Variants in NKAIN1 observed in about 807,000 individuals in gnomAD.
NKAIN1 encodes sodium/potassium-transporting ATPase subunit beta-1-interacting protein 1.
A neutral mutation model predicts 31.6 loss-of-function variants in NKAIN1; 13 were observed. The observed-to-expected ratio is 0.41, with a 90% CI of 0.27 to 0.65. The LOEUF is 0.65. Among genes scored for constraint, NKAIN1 ranks in the 30% least tolerant of loss-of-function variants. The pLI is 0.30. For missense variants in NKAIN1, 193 were observed against 262.2 expected (o/e 0.74, Z 1.82); for synonymous variants, 104 against 109.0 (o/e 0.95, Z 0.28).
At chr1:31,236,487 C>G (rs1645693301) in intron 1 of NKAIN1, among the ~76,000 whole-genome samples, 1 of 152,190 alleles carries the variant, frequency 6.6e-6, no homozygotes, top group Non-Finnish European at 1.5e-5. Context: ...AGACTCCCTT[C>G]TCCCCTCAGG....
intron 1 of NKAIN1, among the ~76,000 whole-genome samples, chr1:31,223,545 C>T (rs932134583): frequency 1.3e-5 from 2 of 152,054 alleles, no homozygotes; most frequent in African/African-American, 4.8e-5. Context: ...CCTGGGTTCA[C>T]GCCATTCTCC....
chr1:31,219,395 G>A (rs12079944), intron 1 of NKAIN1, among the ~76,000 whole-genome samples: 48,201 of 152,168 alleles, frequency 0.32, 9,685 homozygotes, highest in African/African-American at 0.57. Flanking sequence ...CACTGGCAGC[G>A]CAGGCTGTCC....
At chr1:31,208,244 C>T (rs1217822337) in intron 1 of NKAIN1, among the ~76,000 whole-genome samples, 2 of 152,164 alleles carry the variant, frequency 1.3e-5, no homozygotes, top group African/African-American at 4.8e-5. Flanking sequence ...ACCTCAGAGT[C>T]ACTGTGACAC....
At chr1:31,228,256 CA>C (rs2148366779) in intron 1 of NKAIN1, among the ~76,000 whole-genome samples, 1 of 152,222 alleles carries the variant, frequency 6.6e-6, no homozygotes, top group East Asian at 1.9e-4. Context: ...CACCTCCTCC[CA>C]AAAAACAGGC....
chr1:31,218,907 C>A (rs937099919), intron 1 of NKAIN1, among the ~76,000 whole-genome samples: 6 of 152,176 alleles, frequency 3.9e-5, no homozygotes, highest in African/African-American at 1.4e-4. Context: ...TCAGATGACT[C>A]GTGGGGCTGC....
intron 1 of NKAIN1, among the ~76,000 whole-genome samples, chr1:31,209,535 A>G (rs1645451020): frequency 6.6e-6 from 1 of 152,064 alleles, no homozygotes. Context: ...AAGAATACGT[A>G]TAGCCAGGCA....
intron 1 of NKAIN1, among the ~76,000 whole-genome samples, chr1:31,218,732 C>A (rs1437201497): frequency 1.3e-5 from 2 of 152,216 alleles, no homozygotes; most frequent in African/African-American, 2.4e-5. Context: ...CACTTCCTGT[C>A]CTATTTGTCC....
At chr1:31,197,067 C>G (rs1343725168) in intron 1 of NKAIN1, among the ~76,000 whole-genome samples, 3 of 149,414 alleles carry the variant, frequency 2.0e-5, no homozygotes, top group African/African-American at 7.4e-5. Context: ...TCCCTCCTTC[C>G]TTTATTTTTT....
At chr1:31,182,506 C>T in intron 5 of NKAIN1, 24 bp downstream of exon 5, 1 of 1,613,896 alleles carries the variant, frequency 6.2e-7, no homozygotes, top group Non-Finnish European at 8.5e-7. Context: ...AGATTCCCCA[C>T]TTCCCCAGGG....
chr1:31,192,424 C>G (rs143409027), intron 1 of NKAIN1, among the ~76,000 whole-genome samples: 23 of 152,234 alleles, frequency 1.5e-4, no homozygotes, highest in Middle Eastern at 3.4e-3. Flanking sequence ...GGGGTCCCTG[C>G]CCTTTGGGAA....
intron 1 of NKAIN1, among the ~76,000 whole-genome samples, chr1:31,206,014 A>T (rs1326030935): frequency 6.8e-6 from 1 of 146,158 alleles, no homozygotes; most frequent in Non-Finnish European, 1.5e-5. Flanking sequence ...TGGGTGGATC[A>T]CCTGAGGTCA....
chr1:31,193,651 GT>G (rs1645303296), intron 1 of NKAIN1, among the ~76,000 whole-genome samples: 1 of 151,954 alleles, frequency 6.6e-6, no homozygotes, highest in Non-Finnish European at 1.5e-5. Flanking sequence ...AGCTGAGATC[GT>G]GCCCTTGCAC....
intron 1 of NKAIN1, among the ~76,000 whole-genome samples, chr1:31,214,245 GA>G (rs1645493193): frequency 6.6e-6 from 1 of 151,880 alleles, no homozygotes; most frequent in Non-Finnish European, 1.5e-5. Context: ...CAGAAAAATA[GA>G]AAGTGGATTA....
intron 1 of NKAIN1, among the ~76,000 whole-genome samples, chr1:31,231,553 C>T (rs1033305994): frequency 1.1e-4 from 16 of 151,820 alleles, no homozygotes; most frequent in South Asian, 4.1e-4. Context: ...GTTTTTGAGA[C>T]GGAGTCTCGC....
intron 1 of NKAIN1, among the ~76,000 whole-genome samples, chr1:31,216,230 T>C (rs1645510852): frequency 6.6e-6 from 1 of 151,896 alleles, no homozygotes. Context: ...AGGAAGCAAT[T>C]GCCGTCTGCA....
rs1381161126 is a variant in NKAIN1 at position 31,233,816 on chromosome 1, G to T, written c.54+5678C>A. ...CATCAACTTGCGAATTCCCCAAACTGCCATGGGCTCGTTCGTGGGGTAGAA... is the reference window on the plus strand; with the variant it reads ...CATCAACTTGCGAATTCCCCAAACTTCCATGGGCTCGTTCGTGGGGTAGAA... On this transcript the variant is annotated intron_variant, in intron 1 of 6. Coordinates refer to ENST00000373736, the MANE Select transcript of NKAIN1 (RefSeq NM_024522.3). This position sits in a 1 kb window ranked among gnomAD's most constrained non-coding sequence, Gnocchi z 4.0. 2.0e-5 allele frequency among the ~76,000 whole-genome samples: 3 copies of T among 152,182 alleles called. No individual in the cohort carries two copies. Among genetic ancestry groups the T allele is most frequent in the African/African-American group, 7.2e-5 (3 of 41,468 alleles).
chr1:31,193,704 CA>C (rs1454810790), intron 1 of NKAIN1: 2 of 152,032 alleles, frequency 1.3e-5, no homozygotes, highest in African/African-American at 4.8e-5. Context: ...TCAAAACAAA[CA>C]AACAAACAAA....
At chr1:31,211,189 T>A (rs891177965) in intron 1 of NKAIN1, among the ~76,000 whole-genome samples, 2 of 152,094 alleles carry the variant, frequency 1.3e-5, no homozygotes, top group South Asian at 4.1e-4. Context: ...ATCAAAGGCA[T>A]CCACACTGGA....
chr1:31,213,335 AT>A (rs368424686), intron 1 of NKAIN1, among the ~76,000 whole-genome samples: 31 of 152,362 alleles, frequency 2.0e-4, no homozygotes, highest in African/African-American at 6.0e-4. Context: ...GCACAAAAAA[AT>A]ATGCTCAAAA....
Sources: gnomAD v4.1 joint callset for allele counts (sites outside exome capture counted in the v4.1 genomes callset) on GRCh38, gnomAD v4.1.1 for gene constraint, Gnocchi (gnomAD v3.1) non-coding constraint, MANE v1.5 for transcripts, NCBI Gene and HGNC (gene_info 2026-07-23, HGNC 2026-07-21) for gene names.